HDAC9: variants seen among roughly 807,000 people sequenced by gnomAD.
The protein encoded by HDAC9 is histone deacetylase 9, also known as MEF-2 interacting transcription repressor (MITR) protein.
A neutral mutation model predicts 139.4 loss-of-function variants in HDAC9; 41 were observed. The ratio of observed to expected loss-of-function variants is 0.29; its 90% CI spans 0.23 to 0.38. The LOEUF is 0.38. HDAC9 is among the 10% of genes least tolerant of loss of function. The probability of loss-of-function intolerance (pLI) is 1.00; values close to 1 mark genes in which losing one functional copy is unlikely to be tolerated. For missense variants in HDAC9, 1,147 were observed against 1,297.0 expected, an observed-to-expected ratio of 0.88 and a Z score of 1.78; for synonymous variants, 517 against 476.2, an observed-to-expected ratio of 1.09 and a Z score of -1.12.
chr7:18,519,996 C>G (rs1036862175), intron 2 of HDAC9, among the ~76,000 whole-genome samples: 1 of 151,880 alleles, frequency 6.6e-6, no homozygotes, highest in African/African-American at 2.4e-5. Context: ...GCATAGTAAG[C>G]TCAACTAATG....
chr7:18,985,825 G>A (rs1282959112), intron 25 of HDAC9, among the ~76,000 whole-genome samples: 5 of 131,372 alleles, frequency 3.8e-5, no homozygotes, highest in Non-Finnish European at 6.2e-5. Flanking sequence ...GGCCAGTGAT[G>A]GTGAGCATTT....
At chr7:18,857,259 G>A (rs1048576090) in intron 21 of HDAC9, among the ~76,000 whole-genome samples, 2 of 151,352 alleles carry the variant, frequency 1.3e-5, no homozygotes, top group South Asian at 4.2e-4. Context: ...AATTCAGAGG[G>A]TCAAGATTGG....
intron 23 of HDAC9, among the ~76,000 whole-genome samples, chr7:18,938,484 A>G (rs915069493): frequency 6.6e-6 from 1 of 150,580 alleles, no homozygotes; most frequent in Non-Finnish European, 1.5e-5. Context: ...AGTCCCAGCT[A>G]CTCCGGAGCC....
chr7:18,679,897 A>G (rs534799152), intron 12 of HDAC9, among the ~76,000 whole-genome samples: 3 of 152,012 alleles, frequency 2.0e-5, no homozygotes, highest in East Asian at 1.9e-4. Context: ...TACATTTTCT[A>G]TGTCTCTAAG....
At chr7:18,093,607 T>G (rs148020097) in intron 1 of HDAC9, among the ~76,000 whole-genome samples, 2,149 of 152,314 alleles carry the variant, frequency 0.014, 19 homozygotes, top group Non-Finnish European at 0.018. Flanking sequence ...TCATTTTGGT[T>G]AAAATCAAAA....
intron 12 of HDAC9, among the ~76,000 whole-genome samples, chr7:18,719,845 G>A (rs1785010029): frequency 6.6e-6 from 1 of 152,202 alleles, no homozygotes; most frequent in Non-Finnish European, 1.5e-5. Context: ...TGGTTATGCA[G>A]TTGTCCCTGT....
intron 1 of HDAC9, among the ~76,000 whole-genome samples, chr7:18,160,487 G>T (rs931096444): frequency 6.6e-6 from 1 of 152,196 alleles, no homozygotes; most frequent in East Asian, 1.9e-4. Context: ...CACCTATTAG[G>T]TCCAGGGTGA....
rs145965368 is a variant in HDAC9, at chr7:18,803,586, A to C, written c.2322+10134A>C. On this transcript the variant is annotated intron_variant, in intron 17 of 25. Transcript: ENST00000686413. ...TTCAAAGTTGATAGTTTCTCTCAGC[A>C]CTTTAAATATCTTCTGTGCTTTTCT... Among the ~76,000 whole-genome samples, 38 of 152,268 alleles carry C rather than the reference A, an allele frequency of 2.5e-4. 1 individual carries two copies. The East Asian group carries it at 6.4e-3, about 25-fold the overall frequency.
intron 1 of HDAC9, among the ~76,000 whole-genome samples, chr7:18,308,277 C>A (rs576782616): frequency 6.6e-6 from 1 of 152,306 alleles, no homozygotes; most frequent in Non-Finnish European, 1.5e-5. Flanking sequence ...ACGTAGAATA[C>A]TTTTAAACAT....
At chr7:18,483,311 G>A (rs370722893) in intron 1 of HDAC9, among the ~76,000 whole-genome samples, 3 of 152,162 alleles carry the variant, frequency 2.0e-5, no homozygotes, top group South Asian at 2.1e-4. Context: ...GGACATGTGC[G>A]AAAGCATTGA....
intron 1 of HDAC9, among the ~76,000 whole-genome samples, chr7:18,472,033 C>T (rs1350658324): frequency 1.3e-5 from 2 of 152,204 alleles, no homozygotes; most frequent in Non-Finnish European, 2.9e-5. Flanking sequence ...CTCTCCAGGC[C>T]TCTGGTCTGC....
At chr7:18,929,655 C>T (rs537671472) in intron 22 of HDAC9, among the ~76,000 whole-genome samples, 8 of 152,092 alleles carry the variant, frequency 5.3e-5, no homozygotes, top group South Asian at 2.1e-4. Flanking sequence ...GTATCTGACA[C>T]GGCTGGGCAT....
Position 18,983,589 on chromosome 7 carries a change from TAGATAGCTA to T in HDAC9, c.3170+7647_3170+7655del, listed in dbSNP as rs1477407457. 2.0e-5 allele frequency among the ~76,000 whole-genome samples: 3 copies of T among 152,298 alleles called. No individual in the cohort carries two copies. In the East Asian group the frequency reaches 5.8e-4, roughly 29 times the overall value. On this transcript the variant is annotated intron_variant, in intron 25 of 25. Transcript: ENST00000686413. ...GGTCACAGCACTCAGTTTTTTTGGA[TAGATAGCTA>T]AGATAGCTAAAATTAGAATTGCTGG... is the stretch of plus-strand genomic sequence containing the variant.
chr7:18,991,313 T>C (rs1324415258), intron 25 of HDAC9, among the ~76,000 whole-genome samples: 1 of 152,210 alleles, frequency 6.6e-6, no homozygotes, highest in Non-Finnish European at 1.5e-5. Context: ...GAATTAGTTA[T>C]ATATAAAATC....
chr7:18,757,622 T>C (rs944551459), intron 14 of HDAC9, among the ~76,000 whole-genome samples: 5 of 152,322 alleles, frequency 3.3e-5, no homozygotes, highest in African/African-American at 1.2e-4. Context: ...CAATGAGAAC[T>C]GATTAGGACA....
At chr7:18,090,355 A>G (rs987566679) in intron 1 of HDAC9, among the ~76,000 whole-genome samples, 4 of 152,218 alleles carry the variant, frequency 2.6e-5, no homozygotes, top group Admixed American at 1.3e-4. Flanking sequence ...CAGTCAATAT[A>G]GTCATAAGGG....
chr7:18,295,566 T>C (rs986179677), intron 1 of HDAC9, among the ~76,000 whole-genome samples: 2 of 152,192 alleles, frequency 1.3e-5, no homozygotes, highest in African/African-American at 2.4e-5. Flanking sequence ...CTTCTATCTT[T>C]ACATAACTGT....
intron 1 of HDAC9, among the ~76,000 whole-genome samples, chr7:18,341,442 C>A (rs1782002978): frequency 6.6e-6 from 1 of 151,496 alleles, no homozygotes; most frequent in Admixed American, 6.6e-5. Context: ...TCTCTTTTTT[C>A]TGAGTGTTTC....
At chr7:18,742,736 A>C (rs1787573630) in intron 13 of HDAC9, among the ~76,000 whole-genome samples, 1 of 152,006 alleles carries the variant, frequency 6.6e-6, no homozygotes, top group African/African-American at 2.4e-5. Context: ...AGGCTTCTCA[A>C]GTTTGTATTC....
Sources: allele counts gnomAD v4.1 joint callset (sites outside exome capture counted in the v4.1 genomes callset), GRCh38; gene constraint gnomAD v4.1.1; transcripts MANE v1.5; gene names NCBI Gene and HGNC (gene_info 2026-07-23, HGNC 2026-07-21).